RAB19: variants seen among roughly 807,000 people sequenced by gnomAD.
The protein encoded by RAB19 is ras-related protein Rab-19.
A neutral mutation model predicts 17.3 loss-of-function variants in RAB19; 21 were observed. The observed-to-expected ratio is 1.21, with a 90% CI of 0.86 to 1.74. RAB19 has a LOEUF of 1.74. Ranked by LOEUF, RAB19 falls within the 40% of genes most tolerant of loss-of-function variation. The pLI, the probability that RAB19 is intolerant of heterozygous loss-of-function variation, is 0.00. For synonymous variants in RAB19, 126 were observed against 110.4 expected (o/e 1.14, Z -0.88); for missense variants, 277 against 286.8 (o/e 0.97, Z 0.25).
chr7:140,407,675 C>T lies in RAB19; in HGVS notation c.29C>T (p.Ala10Val). The change falls in exon 2 of 4, where the codon GCA becomes GTA. Residue 10 changes from alanine (A) to valine (V), a missense_variant. By Grantham distance (64) the Ala-to-Val change is moderately conservative. Transcript: ENST00000537763. The part of the protein sequence containing the change: MHFSSSARA[A>V]DENFDYLFKI... ...CACTTCTCCAGCTCAGCCAGGGCAG[C>T]AGATGAGAACTTTGACTATTTGTTC... 6.2e-7 allele frequency: 1 copy of T among 1,614,096 alleles called. No homozygotes were observed. The highest frequency in any genetic ancestry group is 8.5e-7 in the Non-Finnish European group (1 of 1,180,008).
Position 140,411,899 on chromosome 7 carries a change from A to G in RAB19, c.227A>G (p.Gln76Arg), listed in dbSNP as rs367625241. Residue 76 changes from glutamine to arginine, a missense_variant, in exon 3 of 4, where the codon CAG becomes CGG. Gln to Arg is a conservative substitution (Grantham distance 43). Coordinates refer to ENST00000537763, the MANE Select transcript of RAB19 (RefSeq NM_001008749.3). ...ATGCAGGTGTGGGACACAGCTGGCC[A>G]GGAGCGCTTCCGCACCATCACCCAA... is the stretch of plus-strand genomic sequence containing the variant. ...VKMQVWDTAG[Q>R]ERFRTITQSY... The G allele has an allele frequency of 2.5e-6, 4 of 1,614,194 alleles. No individual in the cohort carries two copies. Among genetic ancestry groups the G allele is most frequent in the Non-Finnish European group, 3.4e-6 (4 of 1,180,046 alleles).
Position 140,416,568 on chromosome 7 carries a change from TAA to T in RAB19, c.385+4512_385+4513del, listed in dbSNP as rs1175188316. On this transcript the variant is annotated intron_variant, in intron 3 of 3. Coordinates refer to ENST00000537763, the MANE Select transcript of RAB19 (RefSeq NM_001008749.3). ...ATTGGTACATTCTTGTCTGGCCATTTAATGTTCTGTGTGTCTGTCTTGCCTCC... is the reference window on the plus strand; with the variant it reads ...ATTGGTACATTCTTGTCTGGCCATTTTGTTCTGTGTGTCTGTCTTGCCTCC... 1.3e-4 allele frequency among the ~76,000 whole-genome samples: 20 copies of T among 152,276 alleles called. No individual in the cohort carries two copies. The East Asian group carries it at 1.5e-3, about 12-fold the overall frequency.
intron 1 of RAB19, among the ~76,000 whole-genome samples, chr7:140,406,014 G>A (rs1036323837): frequency 1.8e-4 from 27 of 151,804 alleles, no homozygotes; most frequent in African/African-American, 6.0e-4. Context: ...AGGTCAAGGC[G>A]GGCAGATCAC....
intron 3 of RAB19, among the ~76,000 whole-genome samples, chr7:140,424,635 A>ATGTGTG (rs1475320156): frequency 9.0e-4 from 118 of 131,098 alleles, no homozygotes; most frequent in African/African-American, 3.6e-3. Context: ...ATATATATAT[A>ATGTGTG]TATATGTGTG....
chr7:140,412,836 T>G (rs1799391815), intron 3 of RAB19, among the ~76,000 whole-genome samples: 1 of 151,422 alleles, frequency 6.6e-6, no homozygotes, highest in Non-Finnish European at 1.5e-5. Context: ...TTAAAATACA[T>G]AAACATAGAT....
Position 140,426,663 on chromosome 7 carries a change from A to T in RAB19, c.*513A>T, listed in dbSNP as rs1799676341. Among the ~76,000 whole-genome samples the T allele has an allele frequency of 6.6e-6, 1 of 151,994 alleles. No individual in the cohort carries two copies. Among genetic ancestry groups the T allele is most frequent in the African/African-American group, 2.4e-5 (1 of 41,368 alleles). ...CTATCATTTTGTTCCTGACATTCAC[A>T]CCTCAGGTCTTCACTTTGGGGAGCG... On this transcript the variant is annotated 3_prime_UTR_variant, in exon 4 of 4. Coordinates refer to ENST00000537763, the MANE Select transcript of RAB19 (RefSeq NM_001008749.3).
chr7:140,408,044 A>ATT (rs35586721), intron 2 of RAB19, among the ~76,000 whole-genome samples, 197 bp downstream of exon 2: 62,885 of 142,132 alleles, frequency 0.44, 14,232 homozygotes, highest in East Asian at 0.7. Context: ...CGCCCGGCAA[A>ATT]TTTTTTTTTT....
rs1294293474 is a variant in RAB19 at position 140,408,568 on chromosome 7, TG to T, written c.201+724del. Among the ~76,000 whole-genome samples, 10 of 152,176 alleles carry T rather than the reference TG, an allele frequency of 6.6e-5. No individual in the cohort carries two copies. In the East Asian group the frequency reaches 1.9e-3, roughly 29 times the overall value. On this transcript the variant is annotated intron_variant, in intron 2 of 3. Coordinates refer to ENST00000537763, the MANE Select transcript of RAB19 (RefSeq NM_001008749.3). ...TCAGCTCACTGCAATCTCTGCCTCC[TG>T]GGCTCAAGCAATTCTCATGCCTCAG...
At chr7:140,410,697 G>A (rs1799343445) in intron 2 of RAB19, among the ~76,000 whole-genome samples, 1 of 126,728 alleles carries the variant, frequency 7.9e-6, no homozygotes, top group South Asian at 2.4e-4. Context: ...GAGCTTAAGC[G>A]ATCCGCCACC....
chr7:140,420,513 C>T (rs73482561), intron 3 of RAB19, among the ~76,000 whole-genome samples: 3,143 of 151,132 alleles, frequency 0.021, 97 homozygotes, highest in African/African-American at 0.072. Flanking sequence ...AAGGAGAGAA[C>T]GGAGGAAGGA....
chr7:140,425,324 T>C (rs947338202), intron 3 of RAB19, among the ~76,000 whole-genome samples: 5 of 151,858 alleles, frequency 3.3e-5, no homozygotes, highest in Non-Finnish European at 7.4e-5. Flanking sequence ...TCTTCCCTTA[T>C]GCACCTCCAA....
chr7:140,405,593 C>T (rs1799222885), intron 1 of RAB19, among the ~76,000 whole-genome samples: 1 of 151,838 alleles, frequency 6.6e-6, no homozygotes, highest in African/African-American at 2.4e-5. Flanking sequence ...GCCTAGACTA[C>T]TTTCAACCTC....
Position 140,426,991 on chromosome 7 carries a change from G to A in RAB19, c.*841G>A, listed in dbSNP as rs1045446481. On this transcript the variant is annotated 3_prime_UTR_variant, in exon 4 of 4. Transcript: ENST00000537763. Reference sequence around the variant, plus strand: ...CAAGTGGCTGGGACTACAGACACACGCCACCACTCCTGGCTAATTTTTGTA... The same window carrying A: ...CAAGTGGCTGGGACTACAGACACACACCACCACTCCTGGCTAATTTTTGTA... Among the ~76,000 whole-genome samples, 11 of 150,762 alleles carry A rather than the reference G, an allele frequency of 7.3e-5. No individual in the cohort carries two copies. The highest frequency in any genetic ancestry group is 2.4e-4 in the African/African-American group (10 of 41,030).
At chr7:140,420,549 A>G (rs1394222875) in intron 3 of RAB19, among the ~76,000 whole-genome samples, 1 of 152,102 alleles carries the variant, frequency 6.6e-6, no homozygotes, top group African/African-American at 2.4e-5. Context: ...GAAGAGTCTT[A>G]GACTAAGCAC....
At position 140,425,910 on chromosome 7, in the gene RAB19, G is replaced by T. The variant is rs1416302073; in HGVS notation, c.414G>T (p.Arg138=). Residue 138 remains arginine (R), a synonymous_variant, in exon 4 of 4, where the codon CGG becomes CGT. Transcript: ENST00000537763. The stretch of plus-strand genomic sequence containing the variant: ...ATAAATGTGACCTCTGGGAAAAGCG[G>T]CACGTCCTGTTCGAGGATGCCTGCA... The part of the protein sequence containing the change: ...IGNKCDLWEK[R]HVLFEDACTL... 4 of 1,613,898 alleles carry T rather than the reference G, an allele frequency of 2.5e-6. No individual in the cohort carries two copies. The highest frequency in any genetic ancestry group is 2.2e-5 in the South Asian group (2 of 91,060).
chr7:140,410,307 ATTTTTCTTTTTTTT>A (rs1799331112), intron 2 of RAB19, among the ~76,000 whole-genome samples: 1 of 55,044 alleles, frequency 1.8e-5, no homozygotes, highest in East Asian at 5.3e-4. Flanking sequence ...TAATTTTTGT[ATTTTTCTTTTTTTT>A]TTTTTTTTTT....
At chr7:140,424,294 A>G (rs910197115) in intron 3 of RAB19, among the ~76,000 whole-genome samples, 13 of 151,430 alleles carry the variant, frequency 8.6e-5, no homozygotes, top group Admixed American at 7.9e-4. Flanking sequence ...AGTAGCTGGG[A>G]CTACAGGCAT....
At chr7:140,413,827 G>C (rs1799409130) in intron 3 of RAB19, among the ~76,000 whole-genome samples, 1 of 152,152 alleles carries the variant, frequency 6.6e-6, no homozygotes, top group Admixed American at 6.6e-5. Context: ...TGCCCTCCAG[G>C]GACAAAAGGA....
At chr7:140,407,474 G>C (rs1219792173) in intron 1 of RAB19, 150 bp from the exon 2 acceptor site, 1 of 608,576 alleles carries the variant, frequency 1.6e-6, no homozygotes, top group African/African-American at 1.8e-5. Context: ...GCAGATGTCA[G>C]CTTATGGGGA....
Sources: allele counts gnomAD v4.1 joint callset (sites outside exome capture counted in the v4.1 genomes callset), GRCh38; gene constraint gnomAD v4.1.1; transcripts MANE v1.5; gene names NCBI Gene and HGNC (gene_info 2026-07-23, HGNC 2026-07-21).